CUBN: variants seen among roughly 807,000 people sequenced by gnomAD.
CUBN encodes cubilin.
CUBN carries 282 observed loss-of-function variants against 405.3 expected under a neutral mutation model. The observed-to-expected ratio is 0.70, with a 90% CI of 0.63 to 0.77. The LOEUF (loss-of-function observed/expected upper bound fraction) is 0.77. CUBN is among the 30% of genes least tolerant of loss of function. The pLI is 0.00. For synonymous variants in CUBN, 1,684 were observed against 1,617.0 expected, an observed-to-expected ratio of 1.04 and a Z score of -0.99; for missense variants, 4,514 against 4,475.2, an observed-to-expected ratio of 1.01 and a Z score of -0.25.
chr10:17,084,369 C>T lies in CUBN; in HGVS notation c.2203G>A (p.Val735Ile), dbSNP rs370770104. The T allele has an allele frequency of 1.0e-4, 163 of 1,614,050 alleles. No individual in the cohort carries two copies. Among genetic ancestry groups the T allele is most frequent in the East Asian group, 4.0e-4 (18 of 44,892 alleles). The change falls in exon 17 of 67, where the codon GTC becomes ATC. Residue 735 changes from valine (V) to isoleucine (I), a missense_variant. Coordinates refer to ENST00000377833, the MANE Select transcript of CUBN (RefSeq NM_001081.4). Reference sequence around the variant, plus strand: ...CCCTGGGGCTGCTTCATCATATAGACGCATTGCCTGGTGTGAGTGAAAGGC... The same window carrying T: ...CCCTGGGGCTGCTTCATCATATAGATGCATTGCCTGGTGTGAGTGAAAGGC... ...SGPFTHTRQC[V>I]YMMKQPQGEQ... is the part of the protein sequence containing the mutation.
chr10:16,958,008 G>A (rs1046590538), intron 31 of CUBN, among the ~76,000 whole-genome samples: 1 of 152,082 alleles, frequency 6.6e-6, no homozygotes, highest in Non-Finnish European at 1.5e-5. Flanking sequence ...CAAGGAATAA[G>A]TACATATTGT....
chr10:16,878,063 G>A (rs905567877), intron 56 of CUBN, among the ~76,000 whole-genome samples: 8 of 152,322 alleles, frequency 5.3e-5, no homozygotes, highest in South Asian at 2.1e-4. Flanking sequence ...CTAGGCGGGC[G>A]GATCACCTGA....
At position 16,899,116 on chromosome 10, in the gene CUBN, G is replaced by A. The variant is rs147986316; in HGVS notation, c.8478C>T (p.Pro2826=). Residue 2826 remains proline, a synonymous_variant, in exon 54 of 67, where the codon CCC becomes CCT. Coordinates refer to ENST00000377833, the MANE Select transcript of CUBN (RefSeq NM_001081.4). ...IRSPHWPQNF[P]ENSRCSWTAI... ...CCGTCCAGGAACATCTGCTGTTTTC[G>A]GGAAAATTCTGAGGCCAGTGAGGGG... The A allele has an allele frequency of 2.0e-5, 32 of 1,613,662 alleles. No individual in the cohort carries two copies. The highest frequency in any genetic ancestry group is 3.3e-4 in the Middle Eastern group (2 of 6,084).
At chr10:17,090,811 G>C (rs1588635949) in intron 14 of CUBN, among the ~76,000 whole-genome samples, 1 of 138,198 alleles carries the variant, frequency 7.2e-6, no homozygotes, top group East Asian at 2.4e-4. Context: ...TGAGAGAAGA[G>C]GTAGAAATGT....
chr10:16,933,038 C>T (rs1015101311), intron 40 of CUBN, 49 bp downstream of exon 40: 4 of 1,573,628 alleles, frequency 2.5e-6, no homozygotes, highest in Non-Finnish European at 3.5e-6. Flanking sequence ...TGGACTAGAA[C>T]TAATTATGTG....
chr10:16,982,564 C>T lies in CUBN; in HGVS notation c.4615G>A (p.Val1539Ile). The T allele has an allele frequency of 6.2e-7, 1 of 1,613,748 alleles. No homozygotes were observed. The highest frequency in any genetic ancestry group is 8.5e-7 in the Non-Finnish European group (1 of 1,179,748). The change falls in exon 31 of 67, where the codon GTC becomes ATC. Residue 1539 changes from valine to isoleucine, a missense_variant. Physicochemically the swap from Val to Ile is conservative, Grantham distance 29. Transcript: ENST00000377833. ...PYRSNTDCSW[V>I]IRVDRNHRVL... ...CGATGATTTCTGTCAACCCGAATGA[C>T]CCAAGAACAGTCTGTGTTGCTCCTA...
At chr10:17,019,391 C>T (rs1834433104) in intron 28 of CUBN, among the ~76,000 whole-genome samples, 2 of 152,088 alleles carry the variant, frequency 1.3e-5, no homozygotes, top group African/African-American at 4.8e-5. Context: ...TTCCTTTTCC[C>T]CATCCCTGTC....
chr10:17,029,270 T>C (rs1834738554), intron 27 of CUBN, among the ~76,000 whole-genome samples: 1 of 152,224 alleles, frequency 6.6e-6, no homozygotes, highest in Non-Finnish European at 1.5e-5. Context: ...AAATCCTTCA[T>C]TGTGAAAGAT....
At chr10:17,128,200 T>C (rs1399018746) in intron 2 of CUBN, among the ~76,000 whole-genome samples, 1 of 152,232 alleles carries the variant, frequency 6.6e-6, no homozygotes, top group Non-Finnish European at 1.5e-5. Context: ...TTAAGAAACC[T>C]GGCTTGGAAG....
chr10:16,865,182 C>G (rs536024150), intron 59 of CUBN, among the ~76,000 whole-genome samples: 1 of 151,562 alleles, frequency 6.6e-6, no homozygotes, highest in Non-Finnish European at 1.5e-5. Context: ...GTAGGCCAGG[C>G]TGGTCTTGGA....
In CUBN at chr10:16,835,034, A is replaced by G. The variant is rs771874206; in HGVS notation, c.10342T>C (p.Cys3448Arg). Residue 3448 changes from cysteine to arginine, a missense_variant, in exon 64 of 67, where the codon TGC (cysteine) becomes CGC (arginine). This residue lies in a region of CUBN where 1,186 missense variants were observed against 1,186.9 expected (regional missense o/e 1.00). Coordinates refer to ENST00000377833, the MANE Select transcript of CUBN (RefSeq NM_001081.4). Reference sequence around the variant, plus strand: ...ATCACCTCCAAGAAATCGTTTCTGCATTCAACTGAGTTCTCGATGCCAAGT... The same window carrying G: ...ATCACCTCCAAGAAATCGTTTCTGCGTTCAACTGAGTTCTCGATGCCAAGT... Reference protein sequence around the residue: ...HSLGIENSVECRNDFLEVRNG... With the variant: ...HSLGIENSVERRNDFLEVRNG... 1 of 1,614,188 alleles carries G rather than the reference A, an allele frequency of 6.2e-7. No individual in the cohort carries two copies. The highest frequency in any genetic ancestry group is 1.1e-5 in the South Asian group (1 of 91,084).
intron 29 of CUBN, among the ~76,000 whole-genome samples, chr10:16,984,932 C>T (rs1833374923): frequency 6.6e-6 from 1 of 152,234 alleles, no homozygotes; most frequent in South Asian, 2.1e-4. Flanking sequence ...TGCACCCTCC[C>T]TGTGCCTGCT....
chr10:16,931,039 G>A (rs528839850), intron 40 of CUBN, among the ~76,000 whole-genome samples: 43 of 151,790 alleles, frequency 2.8e-4, no homozygotes, highest in Non-Finnish European at 5.6e-4. Context: ...GGCAGATCAC[G>A]AGGTCAGGAG....
At chr10:16,899,313 C>T in intron 53 of CUBN, 130 bp from the exon 54 acceptor site, 1 of 747,764 alleles carries the variant, frequency 1.3e-6, no homozygotes, top group South Asian at 1.5e-5. Flanking sequence ...GATCATCTTC[C>T]AGTCAGGTGC....
intron 21 of CUBN, among the ~76,000 whole-genome samples, chr10:17,067,701 A>G (rs1365580766): frequency 6.6e-6 from 1 of 152,186 alleles, no homozygotes; most frequent in African/African-American, 2.4e-5. Context: ...CAGTACGTAT[A>G]GTATGATTCC....
chr10:17,031,550 A>G (rs1003088124), intron 27 of CUBN, among the ~76,000 whole-genome samples: 1 of 152,168 alleles, frequency 6.6e-6, no homozygotes, highest in African/African-American at 2.4e-5. Flanking sequence ...AGGTACAGAG[A>G]CTACCAATTC....
intron 21 of CUBN, among the ~76,000 whole-genome samples, chr10:17,065,872 T>A (rs1447044505): frequency 6.6e-6 from 1 of 152,178 alleles, no homozygotes; most frequent in African/African-American, 2.4e-5. Context: ...ATGTGAGTTG[T>A]CATGTATGAG....
At chr10:17,072,710 G>A (rs1315590085) in intron 17 of CUBN, among the ~76,000 whole-genome samples, 1 of 152,036 alleles carries the variant, frequency 6.6e-6, no homozygotes, top group African/African-American at 2.4e-5. Flanking sequence ...GGATATAAAA[G>A]ACAAATCTCT....
At chr10:17,014,396 G>T (rs1032789070) in intron 28 of CUBN, among the ~76,000 whole-genome samples, 1 of 152,108 alleles carries the variant, frequency 6.6e-6, no homozygotes, top group Admixed American at 6.6e-5. Flanking sequence ...ATGAGTATTT[G>T]CCCTCTGGGT....
Sources: gnomAD v4.1 joint callset for allele counts (sites outside exome capture counted in the v4.1 genomes callset) on GRCh38, gnomAD v4.1.1 for gene constraint, gnomAD v4.1.1 regional missense constraint, MANE v1.5 for transcripts, NCBI Gene and HGNC (gene_info 2026-07-23, HGNC 2026-07-21) for gene names.